INAVA: variants seen among roughly 807,000 people sequenced by gnomAD.
The protein encoded by INAVA is innate immunity activator.
Under a neutral mutation model 55.3 loss-of-function variants are expected in INAVA, and 32 were observed. The observed-to-expected ratio is 0.58, with a 90% confidence interval of 0.44 to 0.78. The LOEUF is 0.78. Among genes scored for constraint, INAVA ranks in the 30% least tolerant of loss-of-function variants. The pLI is 0.00. For synonymous variants in INAVA, 294 were observed against 329.4 expected (o/e 0.89, Z 1.16); for missense variants, 756 against 786.4 (o/e 0.96, Z 0.46).
intron 1 of INAVA, among the ~76,000 whole-genome samples, chr1:200,896,533 C>T (rs953208657): frequency 5.9e-5 from 9 of 152,176 alleles, no homozygotes; most frequent in African/African-American, 1.7e-4. Context: ...TTGCAAAGGC[C>T]TCCCATAAAG....
chr1:200,907,193 C>G (rs1282277190), intron 5 of INAVA, among the ~76,000 whole-genome samples: 2 of 152,176 alleles, frequency 1.3e-5, no homozygotes, highest in African/African-American at 4.8e-5. Flanking sequence ...TACCAAGAAG[C>G]CCTGCCAGAG....
At chr1:200,894,382 T>G (rs1668298031), upstream of INAVA, among the ~76,000 whole-genome samples, 1 of 152,210 alleles carries the variant, frequency 6.6e-6, no homozygotes, top group African/African-American at 2.4e-5. Context: ...CTAGAACTTC[T>G]GCATATTGGA....
rs774238091 is a variant in INAVA, at chr1:200,911,445, C to A, written c.960-8C>A. The A allele has an allele frequency of 1.2e-6, 2 of 1,605,040 alleles. No individual in the cohort carries two copies. Among genetic ancestry groups the A allele is most frequent in the Non-Finnish European group, 1.7e-6 (2 of 1,173,518 alleles). On this transcript the variant is annotated splice_polypyrimidine_tract_variant and splice_region_variant and intron_variant, in intron 8 of 9. Coordinates refer to ENST00000413687, the MANE Select transcript of INAVA (RefSeq NM_001142569.3). ...CCACACTCAGAATGCCTCTCTTTCC[C>A]TCTTCAGGGTGGATTCCTTCCGGGC...
In INAVA at chr1:200,894,990, G is replaced by A; in HGVS notation, c.-192G>A. On this transcript the variant is annotated 5_prime_UTR_variant, in exon 1 of 10. The change creates a new upstream start codon in the 5' untranslated region. Transcript: ENST00000413687. ...TCAGCTGGAGAGAGAGCACAGGCCT[G>A]TGGCTTGGGAGACCCTGAGGCGACA... The A allele has an allele frequency of 2.0e-6, 2 of 985,682 alleles. No individual in the cohort carries two copies. Among genetic ancestry groups the A allele is most frequent in the Middle Eastern group, 5.2e-4 (1 of 1,916 alleles). 61.1% of individuals were successfully genotyped at this position (985,682 alleles called of 1,614,324 possible). A position where few individuals can be genotyped will look rare whatever the true frequency, so the allele number is the denominator to read the frequency against.
At chr1:200,892,869 G>A (rs1668263750), upstream of INAVA, among the ~76,000 whole-genome samples, 1 of 152,244 alleles carries the variant, frequency 6.6e-6, no homozygotes, top group Non-Finnish European at 1.5e-5. Context: ...ATTTGGGGGA[G>A]CAAGGTGTTT....
Position 200,911,497 on chromosome 1 carries a change from C to T in INAVA, c.1004C>T (p.Ala335Val), listed in dbSNP as rs200889068. The change falls in exon 9 of 10, where the codon GCC (alanine) becomes GTC (valine). Residue 335 changes from alanine to valine, a missense_variant. Around this residue, in one of 2 missense-constraint regions of INAVA, gnomAD observed 639 missense variants for 624.3 expected, o/e 1.02. Transcript: ENST00000413687. ...RAGPEGRGRS[A>V]FPRRRPTHYT... is the part of the protein sequence containing the mutation. The stretch of plus-strand genomic sequence containing the variant: ...GGTCCTGAGGGCCGAGGTCGCAGCG[C>T]CTTTCCCCGCCGCCGCCCCACTCAC... 3 of 1,613,554 alleles carry T rather than the reference C, an allele frequency of 1.9e-6. No homozygotes were observed. The highest frequency in any genetic ancestry group is 2.7e-5 in the African/African-American group (2 of 74,872).
At chr1:200,893,166 T>C (rs1007038184), upstream of INAVA, among the ~76,000 whole-genome samples, 2 of 152,222 alleles carry the variant, frequency 1.3e-5, no homozygotes, top group Non-Finnish European at 2.9e-5. Flanking sequence ...ATAGAATTCA[T>C]AGTTTCATAT....
chr1:200,894,746 CT>C, upstream of INAVA: 1 of 979,760 alleles, frequency 1.0e-6, no homozygotes, highest in Non-Finnish European at 1.2e-6. Context: ...ATGGGAGCCC[CT>C]TTTTCCCTGC....
upstream of INAVA, chr1:200,894,732 C>G (rs1668304186): frequency 1.1e-6 from 1 of 944,640 alleles, no homozygotes; most frequent in South Asian, 4.9e-5. Flanking sequence ...TTGGGGATTC[C>G]TCCATGGGAG....
chr1:200,911,419 C>G (rs1653715112), intron 8 of INAVA, 34 bp from the exon 9 acceptor site: 1 of 1,575,058 alleles, frequency 6.3e-7, no homozygotes, highest in African/African-American at 1.3e-5. Flanking sequence ...GTTTCTGCCC[C>G]CCACACTCAG....
intron 2 of INAVA, 83 bp from the exon 3 acceptor site, chr1:200,899,380 TGTGCATGTGC>T (rs1013581307): frequency 2.6e-6 from 3 of 1,145,628 alleles, no homozygotes; most frequent in Non-Finnish European, 3.8e-6. Context: ...TGTGCATGTG[TGTGCATGTGC>T]ATTCCCCTAG....
At chr1:200,908,022 C>G (rs910281088) in intron 6 of INAVA, 135 bp downstream of exon 6, 1 of 623,356 alleles carries the variant, frequency 1.6e-6, no homozygotes, top group Non-Finnish European at 2.9e-6. Flanking sequence ...TCCGCTTGGA[C>G]TTCATGTCAA....
At chr1:200,910,690 T>A (rs1303258699) in intron 8 of INAVA, among the ~76,000 whole-genome samples, 3 of 152,360 alleles carry the variant, frequency 2.0e-5, no homozygotes, top group African/African-American at 7.2e-5. Flanking sequence ...CAAGCGATTC[T>A]CCTGCCTCAG....
Position 200,900,223 on chromosome 1 carries a change from G to A in INAVA, c.297+3G>A, listed in dbSNP as rs753239580. 85 of 1,612,840 alleles carry A rather than the reference G, an allele frequency of 5.3e-5. No homozygotes were observed. The highest frequency in any genetic ancestry group is 6.7e-5 in the Non-Finnish European group (79 of 1,179,054). Reference sequence around the variant, plus strand: ...ATGACTGGGCCTTGCACAGAGAGGTGAGGAACCTCAGGAAGCTGCCAGTAC... The same window carrying A: ...ATGACTGGGCCTTGCACAGAGAGGTAAGGAACCTCAGGAAGCTGCCAGTAC... On this transcript the variant is annotated splice_donor_region_variant and intron_variant, in intron 4 of 9. Coordinates refer to ENST00000413687, the MANE Select transcript of INAVA (RefSeq NM_001142569.3).
At chr1:200,894,231 G>T (rs1668293678), upstream of INAVA, among the ~76,000 whole-genome samples, 1 of 152,124 alleles carries the variant, frequency 6.6e-6, no homozygotes, top group Non-Finnish European at 1.5e-5. Flanking sequence ...CTTGGGCTCA[G>T]GTCAGTGCCT....
At position 200,911,585 on chromosome 1, in the gene INAVA, C is replaced by G. The variant is rs894419649; in HGVS notation, c.1092C>G (p.Ala364=). The part of the protein sequence containing the change: ...PATKPPLPHA[A]CHSCSEDSGS... ...CCAAGCCCCCGCTGCCCCACGCCGC[C>G]TGCCACTCCTGCTCAGAAGACAGTG... is the stretch of plus-strand genomic sequence containing the variant. Residue 364 remains alanine, a synonymous_variant, in exon 9 of 10, where the codon GCC becomes GCG. Coordinates refer to ENST00000413687, the MANE Select transcript of INAVA (RefSeq NM_001142569.3). 1 of 1,613,956 alleles carries G rather than the reference C, an allele frequency of 6.2e-7. No homozygotes were observed. Among genetic ancestry groups the G allele is most frequent in the Non-Finnish European group, 8.5e-7 (1 of 1,179,948 alleles).
chr1:200,909,377 G>T lies in INAVA; in HGVS notation c.939G>T (p.Arg313Ser), dbSNP rs775507031. 1.2e-6 allele frequency: 2 copies of T among 1,603,412 alleles called. No individual in the cohort carries two copies. Residue 313 changes from arginine to serine, a missense_variant, in exon 8 of 10, where the codon AGG becomes AGT. Arg to Ser is a moderately radical substitution (Grantham distance 110). Around this residue, in one of 2 missense-constraint regions of INAVA, gnomAD observed 639 missense variants for 624.3 expected, o/e 1.02. Coordinates refer to ENST00000413687, the MANE Select transcript of INAVA (RefSeq NM_001142569.3). ...APATPEIQGRRGQSQSLRVDS... is the reference protein window; with the variant it reads ...APATPEIQGRSGQSQSLRVDS... Reference sequence around the variant, plus strand: ...CCACCCCTGAGATACAGGGGAGGAGGGGCCAGTCGCAGTCTCTGAGGTAAG... The same window carrying T: ...CCACCCCTGAGATACAGGGGAGGAGTGGCCAGTCGCAGTCTCTGAGGTAAG...
At chr1:200,907,554 G>C (rs189488456) in intron 5 of INAVA, among the ~76,000 whole-genome samples, 128 of 152,116 alleles carry the variant, frequency 8.4e-4, no homozygotes, top group African/African-American at 3.0e-3. Flanking sequence ...AGCTACTTGT[G>C]AGGCTGAGGT....
intron 5 of INAVA, among the ~76,000 whole-genome samples, chr1:200,905,086 A>G (rs1397229323): frequency 6.6e-6 from 1 of 152,134 alleles, no homozygotes; most frequent in Admixed American, 6.6e-5. Context: ...AAGGCAGGAG[A>G]CCAGAATTCA....
Sources: gnomAD v4.1 joint callset for allele counts (sites outside exome capture counted in the v4.1 genomes callset) on GRCh38, gnomAD v4.1.1 for gene constraint, gnomAD v4.1.1 regional missense constraint, MANE v1.5 for transcripts, NCBI Gene and HGNC (gene_info 2026-07-23, HGNC 2026-07-21) for gene names.